The following ADAM7 variants were observed in gnomAD, a reference collection of about 807,000 sequenced individuals.
The protein encoded by ADAM7 is ADAM metallopeptidase domain 7, also known as disintegrin and metalloproteinase domain-containing protein 7.
In ADAM7, 97 loss-of-function variants were observed where a neutral mutation model predicts 102.9. The ratio of observed to expected loss-of-function variants is 0.94; its 90% CI spans 0.80 to 1.12. The LOEUF is 1.12. Ranked by LOEUF, ADAM7 falls within the 50% of genes most tolerant of loss-of-function variation. The pLI, the probability that ADAM7 is intolerant of heterozygous loss-of-function variation, is 0.00. For missense variants in ADAM7, 991 were observed against 908.7 expected, an observed-to-expected ratio of 1.09 and a Z score of -1.16; for synonymous variants, 334 against 304.4, an observed-to-expected ratio of 1.10 and a Z score of -1.01.
At chr8:24,452,810 C>A (rs368127296) in intron 3 of ADAM7, among the ~76,000 whole-genome samples, 7,553 of 147,310 alleles carry the variant, frequency 0.051, 350 homozygotes, top group African/African-American at 0.11. Context: ...TTCCATGTTT[C>A]GTGCTTCCTT....
chr8:24,508,258 A>G (rs540520224), intron 21 of ADAM7, among the ~76,000 whole-genome samples: 1 of 152,294 alleles, frequency 6.6e-6, no homozygotes, highest in African/African-American at 2.4e-5. Flanking sequence ...CACAATGACA[A>G]ACCTGTCCCA....
chr8:24,459,718 C>A (rs1471645088), intron 3 of ADAM7, among the ~76,000 whole-genome samples: 1 of 152,134 alleles, frequency 6.6e-6, no homozygotes, highest in African/African-American at 2.4e-5. Flanking sequence ...CCTTGGCCTC[C>A]CAAAGTGTCA....
chr8:24,462,337 C>T (rs1321457213), intron 3 of ADAM7, among the ~76,000 whole-genome samples: 1 of 152,278 alleles, frequency 6.6e-6, no homozygotes, highest in Non-Finnish European at 1.5e-5. Flanking sequence ...TCCATGATTA[C>T]TGTGTACATT....
chr8:24,490,048 C>T (rs1372419854), intron 12 of ADAM7, among the ~76,000 whole-genome samples: 2 of 152,132 alleles, frequency 1.3e-5, no homozygotes, highest in African/African-American at 4.8e-5. Context: ...CAAGGTTACA[C>T]TGATGTTGCT....
At position 24,482,203 on chromosome 8, in the gene ADAM7, A is replaced by T; in HGVS notation, c.767A>T (p.Asp256Val). Residue 256 changes from aspartate to valine, a missense_variant, in exon 9 of 22, where the codon GAT (aspartate) becomes GTT (valine). Asp to Val is a radical substitution (Grantham distance 152). Transcript: ENST00000175238. ...GGCATTGAAATATGGACACATGAAG[A>T]TAAAATAGAACTATATTCAAATATA... Reference protein sequence around the residue: ...LVGIEIWTHEDKIELYSNIET... With the variant: ...LVGIEIWTHEVKIELYSNIET... 6.2e-7 allele frequency: 1 copy of T among 1,608,300 alleles called. No homozygotes were observed. Among genetic ancestry groups the T allele is most frequent in the Non-Finnish European group, 8.5e-7 (1 of 1,178,100 alleles).
chr8:24,498,149 A>C (rs1769401942), intron 16 of ADAM7, among the ~76,000 whole-genome samples: 1 of 151,964 alleles, frequency 6.6e-6, no homozygotes, highest in Admixed American at 6.6e-5. Flanking sequence ...AAATGATTGC[A>C]AGCAACAAAC....
At chr8:24,493,645 A>G (rs1322562389) in intron 16 of ADAM7, among the ~76,000 whole-genome samples, 1 of 152,188 alleles carries the variant, frequency 6.6e-6, no homozygotes, top group Admixed American at 6.6e-5. Flanking sequence ...ATACAGTAAA[A>G]ATTACATGAT....
At chr8:24,488,143 T>C (rs1026699661) in intron 11 of ADAM7, among the ~76,000 whole-genome samples, 11 of 152,212 alleles carry the variant, frequency 7.2e-5, no homozygotes, top group African/African-American at 2.7e-4. Context: ...TATTTATAAC[T>C]GTACTCTTCT....
In ADAM7 at chr8:24,492,549, T is replaced by C; in HGVS notation, c.1607T>C (p.Phe536Ser). The change falls in exon 15 of 22, where the codon TTT becomes TCT. Residue 536 changes from phenylalanine to serine, a missense_variant. Coordinates refer to ENST00000175238, the MANE Select transcript of ADAM7 (RefSeq NM_003817.4). ...AAGATGAATACAAAAGGAAATAAAT[T>C]TGGATACTGCAAAAACAAGGAAAAC... ...CYKMNTKGNK[F>S]GYCKNKENRF... 1 of 1,613,114 alleles carries C rather than the reference T, an allele frequency of 6.2e-7. No homozygotes were observed.
At chr8:24,471,394 T>G (rs1190520643) in intron 7 of ADAM7, among the ~76,000 whole-genome samples, 1 of 151,978 alleles carries the variant, frequency 6.6e-6, no homozygotes, top group African/African-American at 2.4e-5. Flanking sequence ...CATTCATTCT[T>G]TGACTCGTCC....
chr8:24,446,670 T>C (rs1414234081), intron 2 of ADAM7, among the ~76,000 whole-genome samples: 1 of 151,800 alleles, frequency 6.6e-6, no homozygotes, highest in African/African-American at 2.4e-5. Context: ...TATCATTGAG[T>C]GCAAAGTAGA....
At chr8:24,442,231 T>C (rs983063334) in intron 1 of ADAM7, among the ~76,000 whole-genome samples, 2 of 151,888 alleles carry the variant, frequency 1.3e-5, no homozygotes, top group African/African-American at 4.8e-5. Flanking sequence ...ATGGCGAAAA[T>C]ATGGAGGAAA....
intron 8 of ADAM7, among the ~76,000 whole-genome samples, chr8:24,476,827 C>A (rs73547067): frequency 6.7e-4 from 102 of 152,202 alleles, no homozygotes; most frequent in African/African-American, 2.2e-3. Flanking sequence ...TGCTCTGTGA[C>A]GTTGTATAAC....
At chr8:24,494,581 T>C (rs1820489843) in intron 16 of ADAM7, among the ~76,000 whole-genome samples, 1 of 152,202 alleles carries the variant, frequency 6.6e-6, no homozygotes, top group African/African-American at 2.4e-5. Flanking sequence ...CATAGAGAGC[T>C]TATTCCTTCA....
At chr8:24,507,017 G>C (rs1820974112) in intron 20 of ADAM7, among the ~76,000 whole-genome samples, 1 of 152,084 alleles carries the variant, frequency 6.6e-6, no homozygotes, top group East Asian at 1.9e-4. Context: ...TGGTTGCAGA[G>C]AATCCTCAGA....
chr8:24,462,746 AT>A (rs1485347337), intron 3 of ADAM7, among the ~76,000 whole-genome samples: 2 of 152,178 alleles, frequency 1.3e-5, no homozygotes, highest in African/African-American at 4.8e-5. Flanking sequence ...TTCACCATTT[AT>A]TTTTTTGACC....
At chr8:24,464,916 A>G (rs1819374731) in intron 4 of ADAM7, among the ~76,000 whole-genome samples, 1 of 141,266 alleles carries the variant, frequency 7.1e-6, no homozygotes, top group Non-Finnish European at 1.6e-5. Context: ...CCATCCAAGT[A>G]GCTGTGACTA....
rs1425804120 is a variant in ADAM7 at position 24,509,437 on chromosome 8, TTTC to T, written c.*897_*899del. 1.0e-6 allele frequency: 1 copy of T among 985,320 alleles called. No individual in the cohort carries two copies. Among genetic ancestry groups the T allele is most frequent in the African/African-American group, 1.7e-5 (1 of 57,238 alleles). The allele number at this position is 985,320 out of a possible 1,614,324, so 61.0% of individuals were successfully genotyped here. ...CAAGGTGTTCTTTTGTGTCCTCTAT[TTTC>T]TTCTTGTGAACTGTTAAAGCTACAT... On this transcript the variant is annotated 3_prime_UTR_variant, in exon 22 of 22. Coordinates refer to ENST00000175238, the MANE Select transcript of ADAM7 (RefSeq NM_003817.4).
At chr8:24,481,262 C>A (rs1819942506) in intron 8 of ADAM7, among the ~76,000 whole-genome samples, 2 of 152,064 alleles carry the variant, frequency 1.3e-5, no homozygotes, top group Admixed American at 1.3e-4. Flanking sequence ...TGAGTATATT[C>A]ATATCATGTA....
Sources: gnomAD v4.1 joint callset for allele counts (sites outside exome capture counted in the v4.1 genomes callset) on GRCh38, gnomAD v4.1.1 for gene constraint, MANE v1.5 for transcripts, NCBI Gene and HGNC (gene_info 2026-07-23, HGNC 2026-07-21) for gene names.